The following NLGN2 variants were observed in gnomAD, a reference collection of about 807,000 sequenced individuals.
NLGN2 encodes the protein neuroligin-2.
NLGN2 carries 11 observed loss-of-function variants against 48.6 expected under a neutral mutation model. The observed-to-expected ratio is 0.23, with a 90% CI of 0.14 to 0.37. The LOEUF (loss-of-function observed/expected upper bound fraction) is 0.37, where lower values mean the gene tolerates loss of function less well. Among genes scored for constraint, NLGN2 ranks in the 10% least tolerant of loss-of-function variants. The pLI is 1.00. For synonymous variants in NLGN2, 548 were observed against 550.0 expected, an observed-to-expected ratio of 1.00 and a Z score of 0.05; for missense variants, 801 against 1,225.2, an observed-to-expected ratio of 0.65 and a Z score of 5.17.
Position 7,408,697 on chromosome 17 carries a change from G to A in NLGN2, c.442G>A (p.Val148Met). The change falls in exon 1 of 7, where the codon GTG becomes ATG. Residue 148 changes from valine to methionine, a missense_variant. Val to Met is a conservative substitution (Grantham distance 21). Around this residue, in one of 5 missense-constraint regions of NLGN2, gnomAD observed 56 missense variants for 100.0 expected, o/e 0.56. Coordinates refer to ENST00000302926, the MANE Select transcript of NLGN2 (RefSeq NM_020795.4). The surrounding 1 kb of genome is among the most constrained non-coding windows in gnomAD (Gnocchi z 7.5). ...SEDCLYLNLYVPTEDGPLTKK... is the reference protein window; with the variant it reads ...SEDCLYLNLYMPTEDGPLTKK... ...GGACTGCCTGTACCTCAACCTCTAC[G>A]TGCCCACCGAGGACGGTAAGGGCGC... The A allele has an allele frequency of 1.2e-6, 2 of 1,613,058 alleles. No homozygotes were observed. The highest frequency in any genetic ancestry group is 1.7e-6 in the Non-Finnish European group (2 of 1,179,748).
chr17:7,414,255 AGGCCTGGGAGCTGG>A (rs1907005047), intron 2 of NLGN2, 75 bp from the exon 3 acceptor site: 13 of 1,247,782 alleles, frequency 1.0e-5, no homozygotes, highest in Non-Finnish European at 1.5e-5. Flanking sequence ...AGTCCTCAGC[AGGCCTGGGAGCTGG>A]GCGCTGCTGC....
At position 7,415,078 on chromosome 17, in the gene NLGN2, G is replaced by A. The variant is rs543926790; in HGVS notation, c.967G>A (p.Ala323Thr). The A allele has an allele frequency of 7.4e-6, 12 of 1,613,052 alleles. No individual in the cohort carries two copies. The African/African-American group carries it at 1.2e-4, about 16-fold the overall frequency. ...AKVGCDREDSAEAVECLRRKP... is the reference protein window; with the variant it reads ...AKVGCDREDSTEAVECLRRKP... Reference sequence around the variant, plus strand: ...GGTGGGCTGTGACCGAGAGGACAGCGCTGAAGCTGTGGAGTGTCTGCGCCG... The same window carrying A: ...GGTGGGCTGTGACCGAGAGGACAGCACTGAAGCTGTGGAGTGTCTGCGCCG... The change falls in exon 5 of 7, where the codon GCT (alanine) becomes ACT (threonine). Residue 323 changes from alanine to threonine, a missense_variant. By Grantham distance (58) the Ala-to-Thr change is moderately conservative. This residue lies in a region of NLGN2 where 303 missense variants were observed against 600.1 expected (regional missense o/e 0.50). Coordinates refer to ENST00000302926, the MANE Select transcript of NLGN2 (RefSeq NM_020795.4).
chr17:7,408,309 A>AGGGGGTCCCGGCGGCGGCGCCCCG lies in NLGN2; in HGVS notation c.57_80dup (p.Gly23_Gly30dup). The AGGGGGTCCCGGCGGCGGCGCCCCG allele has an allele frequency of 8.6e-7, 1 of 1,167,822 alleles. No individual in the cohort carries two copies. Among genetic ancestry groups the AGGGGGTCCCGGCGGCGGCGCCCCG allele is most frequent in the Non-Finnish European group, 1.1e-6 (1 of 905,072 alleles). The allele number at this position is 1,167,822 out of a possible 1,614,324, so 72.3% of individuals were successfully genotyped here. ...GGCTGGCGGGGGCTCAACGCGGGGGAGGGGGTCCCGGCGGCGGCGCCCCGG... is the reference window on the plus strand; with the variant it reads ...GGCTGGCGGGGGCTCAACGCGGGGGAGGGGGTCCCGGCGGCGGCGCCCCGGGGGGTCCCGGCGGCGGCGCCCCGG... On this transcript the variant is annotated inframe_insertion, in exon 1 of 7. Transcript: ENST00000302926. This position sits in a 1 kb window ranked among gnomAD's most constrained non-coding sequence, Gnocchi z 7.5.
intron 6 of NLGN2, among the ~76,000 whole-genome samples, chr17:7,416,330 G>T (rs974896524): frequency 6.6e-6 from 1 of 152,074 alleles, no homozygotes; most frequent in African/African-American, 2.4e-5. Flanking sequence ...CAGTGGCTTT[G>T]GCTTGGCGTC....
upstream of NLGN2, among the ~76,000 whole-genome samples, chr17:7,406,875 T>C (rs1054451910): frequency 4.6e-5 from 7 of 151,858 alleles, no homozygotes; most frequent in Admixed American, 2.0e-4. Flanking sequence ...GATGAAAAGG[T>C]GGTGGGGTCC....
intron 6 of NLGN2, among the ~76,000 whole-genome samples, chr17:7,416,708 C>CAAA: frequency 6.6e-6 from 1 of 152,272 alleles, no homozygotes; most frequent in East Asian, 1.9e-4. Context: ...CTCTGCCAGT[C>CAAA]TGTCTCCATC....
At chr17:7,409,934 C>T (rs1327112081) in intron 1 of NLGN2, among the ~76,000 whole-genome samples, 1 of 152,106 alleles carries the variant, frequency 6.6e-6, no homozygotes, top group Non-Finnish European at 1.5e-5. Context: ...TCCCCAGCAT[C>T]CCTGGATATA....
chr17:7,416,039 C>T lies in NLGN2; in HGVS notation c.1566C>T (p.Asn522=). 1 of 1,610,364 alleles carries T rather than the reference C, an allele frequency of 6.2e-7. No homozygotes were observed. The highest frequency in any genetic ancestry group is 1.3e-5 in the African/African-American group (1 of 74,888). The change falls in exon 6 of 7, where the codon AAC becomes AAT. Residue 522 remains asparagine, a synonymous_variant. Coordinates refer to ENST00000302926, the MANE Select transcript of NLGN2 (RefSeq NM_020795.4). ...GTGCCACCGACCTCTTCCCCTGTAA[C>T]TTCTCCAAGAATGACGTCATGCTCA... ...MVGATDLFPC[N]FSKNDVMLSA...
At chr17:7,407,635 C>T (rs1906697172), upstream of NLGN2, among the ~76,000 whole-genome samples, 2 of 152,128 alleles carry the variant, frequency 1.3e-5, no homozygotes. Context: ...GCTGGGACTC[C>T]TGAGTCCCTG....
chr17:7,413,426 G>A lies in NLGN2; in HGVS notation c.509-918G>A, dbSNP rs1402944710. ...GAGGGCCAGTGTCAAGAAAGAGGAG[G>A]GCCTGTGGGCCAGGGGTGACCCCAG... On this transcript the variant is annotated intron_variant, in intron 2 of 6. Transcript: ENST00000302926. The surrounding 1 kb of genome is among the most constrained non-coding windows in gnomAD (Gnocchi z 4.9). Among the ~76,000 whole-genome samples, 1 of 152,178 alleles carries A rather than the reference G, an allele frequency of 6.6e-6. No individual in the cohort carries two copies. Among genetic ancestry groups the A allele is most frequent in the Non-Finnish European group, 1.5e-5 (1 of 68,018 alleles).
chr17:7,408,098 C>A lies in NLGN2; in HGVS notation c.-158C>A. Reference sequence around the variant, plus strand: ...GGAGAGGAACAGACCCCTTCTCTGTCCAGTCTAACCCAGGTCCCTCCCCAA... The same window carrying A: ...GGAGAGGAACAGACCCCTTCTCTGTACAGTCTAACCCAGGTCCCTCCCCAA... On this transcript the variant is annotated 5_prime_UTR_variant, in exon 1 of 7. Coordinates refer to ENST00000302926, the MANE Select transcript of NLGN2 (RefSeq NM_020795.4). The surrounding 1 kb of genome is among the most constrained non-coding windows in gnomAD (Gnocchi z 7.5). 2.6e-6 allele frequency: 1 copy of A among 390,014 alleles called. No individual in the cohort carries two copies. Among genetic ancestry groups the A allele is most frequent in the Non-Finnish European group, 4.5e-6 (1 of 223,086 alleles). The allele number at this position is 390,014 out of a possible 1,614,324, so 24.2% of individuals were successfully genotyped here. A position where few individuals can be genotyped will look rare whatever the true frequency, so the allele number is the denominator to read the frequency against.
chr17:7,406,405 G>A (rs925134497), upstream of NLGN2, among the ~76,000 whole-genome samples: 1 of 152,006 alleles, frequency 6.6e-6, no homozygotes, highest in Non-Finnish European at 1.5e-5. Flanking sequence ...GGCCATGGTA[G>A]CTGAGCCCAG....
Position 7,408,734 on chromosome 17 carries a change from C to G in NLGN2, c.457+22C>G, listed in dbSNP as rs759546672. 1.4e-5 allele frequency: 22 copies of G among 1,612,294 alleles called. No homozygotes were observed. The Admixed American group carries it at 1.5e-4, about 11-fold the overall frequency. ...GACGGTAAGGGCGCGGGCACAAAGC[C>G]GGGCACCCCGTGGACACAGCCCACA... On this transcript the variant is annotated intron_variant, in intron 1 of 6. Coordinates refer to ENST00000302926, the MANE Select transcript of NLGN2 (RefSeq NM_020795.4). The surrounding 1 kb of genome is among the most constrained non-coding windows in gnomAD (Gnocchi z 7.5).
upstream of NLGN2, among the ~76,000 whole-genome samples, chr17:7,406,071 G>C (rs1231094441): frequency 6.6e-6 from 1 of 152,182 alleles, no homozygotes; most frequent in Non-Finnish European, 1.5e-5. Context: ...ACAGGAGAGA[G>C]AGACAGAAGG....
At position 7,418,178 on chromosome 17, in the gene NLGN2, G is replaced by A. The variant is rs1215445985; in HGVS notation, c.*379G>A. On this transcript the variant is annotated 3_prime_UTR_variant, in exon 7 of 7. Transcript: ENST00000302926. The stretch of plus-strand genomic sequence containing the variant: ...ATGTTGGCCCCCTCAAAGAATTTCT[G>A]TGGGGATTTGTACCCCAGAATCCTG... The A allele has an allele frequency of 6.4e-6, 1 of 156,536 alleles. No individual in the cohort carries two copies. The highest frequency in any genetic ancestry group is 1.4e-5 in the Non-Finnish European group (1 of 71,270). 9.7% of individuals were successfully genotyped at this position (156,536 alleles called of 1,614,324 possible).
rs1906901920 is a variant in NLGN2 at position 7,411,724 on chromosome 17, T to C, written c.458-433T>C. 6.6e-6 allele frequency among the ~76,000 whole-genome samples: 1 copy of C among 152,094 alleles called. No homozygotes were observed. Among genetic ancestry groups the C allele is most frequent in the Non-Finnish European group, 1.5e-5 (1 of 68,004 alleles). ...GGGGCCTTCTGAGAGGTGGCCTGGG[T>C]GGCAAGCTGGCCTTGGTCTCCCAGG... On this transcript the variant is annotated intron_variant, in intron 1 of 6. Transcript: ENST00000302926. The surrounding 1 kb of genome is among the most constrained non-coding windows in gnomAD (Gnocchi z 4.5).
At chr17:7,416,143 G>A in intron 6 of NLGN2, 36 bp downstream of exon 6, 1 of 1,444,924 alleles carries the variant, frequency 6.9e-7, no homozygotes, top group Non-Finnish European at 9.7e-7. Context: ...GCTGGGCGGG[G>A]CCCTCCCTCC....
chr17:7,413,463 T>C lies in NLGN2; in HGVS notation c.509-881T>C, dbSNP rs577926105. Among the ~76,000 whole-genome samples, 5 of 152,268 alleles carry C rather than the reference T, an allele frequency of 3.3e-5. No individual in the cohort carries two copies. Among genetic ancestry groups the C allele is most frequent in the African/African-American group, 4.8e-5 (2 of 41,552 alleles). On this transcript the variant is annotated intron_variant, in intron 2 of 6. Coordinates refer to ENST00000302926, the MANE Select transcript of NLGN2 (RefSeq NM_020795.4). The surrounding 1 kb of genome is among the most constrained non-coding windows in gnomAD (Gnocchi z 4.9). ...AGGGGTGACCCCAGCCCTAGCACTATGGCTGAATCATGGGGAGCTGCAGGG... is the reference window on the plus strand; with the variant it reads ...AGGGGTGACCCCAGCCCTAGCACTACGGCTGAATCATGGGGAGCTGCAGGG...
intron 1 of NLGN2, among the ~76,000 whole-genome samples, chr17:7,409,619 C>T (rs61579717): frequency 0.075 from 11,346 of 152,048 alleles, 1,438 homozygotes; most frequent in African/African-American, 0.26. Flanking sequence ...GCAGCGTCTG[C>T]GTATAGACCA....
Sources: gnomAD v4.1 joint callset for allele counts (sites outside exome capture counted in the v4.1 genomes callset) on GRCh38, gnomAD v4.1.1 for gene constraint, gnomAD v4.1.1 regional missense constraint, Gnocchi (gnomAD v3.1) non-coding constraint, MANE v1.5 for transcripts, NCBI Gene and HGNC (gene_info 2026-07-23, HGNC 2026-07-21) for gene names.